The following DNM2 variants were observed in gnomAD, a reference collection of about 807,000 sequenced individuals.
DNM2 encodes the protein dynamin-2.
DNM2 carries 15 observed loss-of-function variants against 99.0 expected under a neutral mutation model. The ratio of observed to expected loss-of-function variants is 0.15; its 90% CI spans 0.10 to 0.23. DNM2 has a LOEUF of 0.23. Among genes scored for constraint, DNM2 ranks in the 10% least tolerant of loss-of-function variants. The pLI is 1.00. For synonymous variants in DNM2, 525 were observed against 481.2 expected (o/e 1.09, Z -1.19); for missense variants, 742 against 1,189.4 (o/e 0.62, Z 5.53).
At chr19:10,781,816 C>T (rs1405148877) in intron 5 of DNM2, 1 of 152,026 alleles carries the variant, frequency 6.6e-6, no homozygotes, top group Non-Finnish European at 1.5e-5. Context: ...CACTTGGATT[C>T]TTTGCAACAG....
Position 10,772,165 on chromosome 19 carries a change from C to T in DNM2, c.236-314C>T, listed in dbSNP as rs920183079. Among the ~76,000 whole-genome samples the T allele has an allele frequency of 9.2e-5, 14 of 151,938 alleles. No individual in the cohort carries two copies. Among genetic ancestry groups the T allele is most frequent in the Admixed American group, 6.6e-4 (10 of 15,222 alleles). ...CGCAATCTCGGCTCACTACAACCTCCGCCTCCCGGGTTCAAGCAATTATCC... is the reference window on the plus strand; with the variant it reads ...CGCAATCTCGGCTCACTACAACCTCTGCCTCCCGGGTTCAAGCAATTATCC... On this transcript the variant is annotated intron_variant, in intron 2 of 20. Coordinates refer to ENST00000389253, the MANE Select transcript of DNM2 (RefSeq NM_001005361.3). This position sits in a 1 kb window ranked among gnomAD's most constrained non-coding sequence, Gnocchi z 4.9.
At chr19:10,810,969 T>C (rs1459322725) in intron 14 of DNM2, 1 of 152,508 alleles carries the variant, frequency 6.6e-6, no homozygotes, top group Non-Finnish European at 1.5e-5. Context: ...TCACAGGGGC[T>C]GCTGGCCTCA....
At chr19:10,767,333 C>G (rs549743620) in intron 2 of DNM2, among the ~76,000 whole-genome samples, 4 of 152,288 alleles carry the variant, frequency 2.6e-5, no homozygotes, top group African/African-American at 9.6e-5. Flanking sequence ...GAGACAGGGT[C>G]TCTGGCCTCC....
intron 1 of DNM2, among the ~76,000 whole-genome samples, chr19:10,739,157 A>G (rs1259295500): frequency 6.6e-6 from 1 of 152,230 alleles, no homozygotes; most frequent in Non-Finnish European, 1.5e-5. Flanking sequence ...TGGGCGACAG[A>G]GCGAGACTCC....
At chr19:10,735,887 G>A (rs920208018) in intron 1 of DNM2, among the ~76,000 whole-genome samples, 1 of 152,120 alleles carries the variant, frequency 6.6e-6, no homozygotes, top group Non-Finnish European at 1.5e-5. Flanking sequence ...GGCCATATTT[G>A]TGTGGGTCCA....
At chr19:10,724,928 G>GA (rs145666521) in intron 1 of DNM2, among the ~76,000 whole-genome samples, 4,668 of 152,334 alleles carry the variant, frequency 0.031, 79 homozygotes, top group South Asian at 0.095. Context: ...TCCCTCCAGG[G>GA]ATATGTGGAT....
intron 1 of DNM2, among the ~76,000 whole-genome samples, chr19:10,721,069 C>T (rs2068922968): frequency 6.6e-6 from 1 of 152,100 alleles, no homozygotes; most frequent in Non-Finnish European, 1.5e-5. Flanking sequence ...GCCTTTCTCT[C>T]CTGTCTACCA....
rs535309206 is a variant in DNM2 at position 10,818,959 on chromosome 19, G to A, written c.1672-1021G>A. Among the ~76,000 whole-genome samples, 2 of 152,228 alleles carry A rather than the reference G, an allele frequency of 1.3e-5. No homozygotes were observed. The highest frequency in any genetic ancestry group is 2.1e-4 in the South Asian group (1 of 4,828). On this transcript the variant is annotated intron_variant, in intron 15 of 20. Coordinates refer to ENST00000389253, the MANE Select transcript of DNM2 (RefSeq NM_001005361.3). This position sits in a 1 kb window ranked among gnomAD's most constrained non-coding sequence, Gnocchi z 4.3. The stretch of plus-strand genomic sequence containing the variant: ...GGTCCCCAAGAGCTGCTGCTGTGGC[G>A]GGTGGGCACACACATCACTGGGTGA...
In DNM2 at chr19:10,820,229, A is replaced by C. The variant is rs536943581; in HGVS notation, c.1781+140A>C. On this transcript the variant is annotated intron_variant, in intron 16 of 20. Coordinates refer to ENST00000389253, the MANE Select transcript of DNM2 (RefSeq NM_001005361.3). The surrounding 1 kb of genome is among the most constrained non-coding windows in gnomAD (Gnocchi z 4.3). Reference sequence around the variant, plus strand: ...GACCCAGCTTTTAGAAAGGGGAGTCACGTGAGAAATAGCAAATGCCAGGGA... The same window carrying C: ...GACCCAGCTTTTAGAAAGGGGAGTCCCGTGAGAAATAGCAAATGCCAGGGA... 22 of 788,796 alleles carry C rather than the reference A, an allele frequency of 2.8e-5. 1 individual carries two copies. The African/African-American group carries it at 3.7e-4, about 13-fold the overall frequency. 48.9% of individuals were successfully genotyped at this position (788,796 alleles called of 1,614,324 possible).
chr19:10,756,508 G>T (rs549057624), intron 1 of DNM2, among the ~76,000 whole-genome samples: 2 of 152,296 alleles, frequency 1.3e-5, no homozygotes, highest in South Asian at 2.1e-4. Context: ...GACGGAAAGG[G>T]ATTAGAGCTC....
intron 1 of DNM2, among the ~76,000 whole-genome samples, chr19:10,726,907 G>C (rs1215882638): frequency 1.3e-5 from 2 of 152,110 alleles, no homozygotes; most frequent in Non-Finnish European, 2.9e-5. Context: ...GATTTGGCCA[G>C]ATAAGCGTGT....
At chr19:10,773,260 GC>G (rs2071040368) in intron 3 of DNM2, among the ~76,000 whole-genome samples, 1 of 150,284 alleles carries the variant, frequency 6.7e-6, no homozygotes, top group South Asian at 2.1e-4. Flanking sequence ...CTATTCTCCT[GC>G]CTCAGCCTCC....
intron 2 of DNM2, among the ~76,000 whole-genome samples, chr19:10,760,900 A>G (rs916393787): frequency 5.6e-5 from 8 of 141,694 alleles, no homozygotes; most frequent in Admixed American, 7.8e-5. Context: ...GCCTCAAGCA[A>G]TCCTCCTGCG....
chr19:10,730,841 T>A (rs2069287713), intron 1 of DNM2, among the ~76,000 whole-genome samples: 1 of 152,138 alleles, frequency 6.6e-6, no homozygotes, highest in Admixed American at 6.5e-5. Context: ...GGCTGCTCAG[T>A]GGCCCTGGCA....
chr19:10,720,783 T>C (rs2068912808), intron 1 of DNM2, among the ~76,000 whole-genome samples: 2 of 152,190 alleles, frequency 1.3e-5, no homozygotes, highest in South Asian at 4.1e-4. Flanking sequence ...TGGCACATAG[T>C]AGGTCTACAT....
At position 10,811,406 on chromosome 19, in the gene DNM2, G is replaced by A. The variant is rs943215791; in HGVS notation, c.1558-858G>A. 15 of 289,210 alleles carry A rather than the reference G, an allele frequency of 5.2e-5. No individual in the cohort carries two copies. Among genetic ancestry groups the A allele is most frequent in the African/African-American group, 2.2e-4 (10 of 44,860 alleles). 17.9% of individuals were successfully genotyped at this position (289,210 alleles called of 1,614,324 possible). On this transcript the variant is annotated intron_variant, in intron 14 of 20. Transcript: ENST00000389253. The surrounding 1 kb of genome is among the most constrained non-coding windows in gnomAD (Gnocchi z 5.4). Reference sequence around the variant, plus strand: ...AGGCCCCATCTCTGGCGCTCCTGCCGTGCCGTGCCCTGCCATGCCCTGCAC... The same window carrying A: ...AGGCCCCATCTCTGGCGCTCCTGCCATGCCGTGCCCTGCCATGCCCTGCAC...
intron 1 of DNM2, among the ~76,000 whole-genome samples, chr19:10,750,534 A>T (rs1489354443): frequency 6.6e-6 from 1 of 152,024 alleles, no homozygotes; most frequent in Admixed American, 6.5e-5. Flanking sequence ...ATAGCTACTC[A>T]GGAGGCCGAG....
chr19:10,752,460 TCCTCACAGTG>T (rs2062564350), intron 1 of DNM2, among the ~76,000 whole-genome samples: 1 of 152,186 alleles, frequency 6.6e-6, no homozygotes, highest in African/African-American at 2.4e-5. Context: ...ATCACCATTG[TCCTCACAGTG>T]CCTGGCGCCT....
intron 3 of DNM2, among the ~76,000 whole-genome samples, chr19:10,774,091 A>G (rs1242613098): frequency 3.3e-5 from 5 of 152,232 alleles, no homozygotes. Flanking sequence ...GGTATATCGC[A>G]AAAACCTACC....
Sources: allele counts gnomAD v4.1 joint callset (sites outside exome capture counted in the v4.1 genomes callset), GRCh38; gene constraint gnomAD v4.1.1; non-coding constraint Gnocchi (gnomAD v3.1); transcripts MANE v1.5; gene names NCBI Gene and HGNC (gene_info 2026-07-23, HGNC 2026-07-21).